Variants in RNF213 observed in about 807,000 individuals in gnomAD.
The protein encoded by RNF213 is ring finger protein 213.
Under a neutral mutation model 514.4 loss-of-function variants are expected in RNF213, and 341 were observed. The observed-to-expected ratio is 0.66, with a 90% CI of 0.61 to 0.73. The LOEUF (loss-of-function observed/expected upper bound fraction) is 0.73, where lower values mean the gene tolerates loss of function less well. Ranked by LOEUF, RNF213 falls within the 30% of genes least tolerant of loss-of-function variation. The pLI, the probability that RNF213 is intolerant of heterozygous loss-of-function variation, is 0.00. For missense variants in RNF213, 5,767 were observed against 6,615.6 expected (o/e 0.87, Z 4.45); for synonymous variants, 2,655 against 2,658.2 (o/e 1.00, Z 0.04).
In RNF213 at chr17:80,337,595, G is replaced by T; in HGVS notation, c.4537G>T (p.Ala1513Ser). Residue 1513 changes from alanine (A) to serine (S), a missense_variant, in exon 24 of 68, where the codon GCC (alanine) becomes TCC (serine). Ala to Ser is a moderately conservative substitution (Grantham distance 99). Around this residue, in one of 13 missense-constraint regions of RNF213, gnomAD observed 1,377 missense variants for 1,635.2 expected, o/e 0.84. Coordinates refer to ENST00000582970, the MANE Select transcript of RNF213 (RefSeq NM_001256071.3). ...CCTTTTGTCCCCATAGTGTGACTCC[G>T]CCAGGAACTTGGAATGGCTGAAGAC... ...QYLPRKLCDSARNLEWLKTVN... is the reference protein window; with the variant it reads ...QYLPRKLCDSSRNLEWLKTVN... The T allele has an allele frequency of 6.5e-7, 1 of 1,537,274 alleles. No homozygotes were observed. Among genetic ancestry groups the T allele is most frequent in the Non-Finnish European group, 8.7e-7 (1 of 1,146,896 alleles).
Position 80,273,276 on chromosome 17 carries a change from T to A in RNF213, c.133T>A (p.Ser45Thr). 2.5e-6 allele frequency: 4 copies of A among 1,613,654 alleles called. No homozygotes were observed. The highest frequency in any genetic ancestry group is 2.5e-6 in the Non-Finnish European group (3 of 1,179,990). The change falls in exon 3 of 68, where the codon TCG becomes ACG. Residue 45 changes from serine to threonine, a missense_variant. This residue lies in a region of RNF213 where 509 missense variants were observed against 496.7 expected (regional missense o/e 1.02). Transcript: ENST00000582970. The part of the protein sequence containing the change: ...ENNNSTMASA[S>T]EGEMECGQEL... Reference sequence around the variant, plus strand: ...CAATAACTCCACAATGGCGTCGGCCTCGGAGGGTGAAATGGAGTGTGGGCA... The same window carrying A: ...CAATAACTCCACAATGGCGTCGGCCACGGAGGGTGAAATGGAGTGTGGGCA...
chr17:80,273,668 G>T (rs2043913555), intron 3 of RNF213, among the ~76,000 whole-genome samples: 2 of 147,440 alleles, frequency 1.4e-5, no homozygotes, highest in Non-Finnish European at 3.0e-5. Context: ...TGCCCAGGCT[G>T]GAGTGCAGTG....
At chr17:80,303,099 G>A (rs1413194702) in intron 11 of RNF213, among the ~76,000 whole-genome samples, 1 of 152,218 alleles carries the variant, frequency 6.6e-6, no homozygotes, top group African/African-American at 2.4e-5. Context: ...TCAAGGCACA[G>A]CGTGTACAGC....
At chr17:80,338,563 C>T (rs1047672163) in intron 25 of RNF213, among the ~76,000 whole-genome samples, 1 of 151,622 alleles carries the variant, frequency 6.6e-6, no homozygotes, top group East Asian at 1.9e-4. Context: ...GTGGAAGGCT[C>T]ATTTTAGCCC....
chr17:80,284,380 AAAAAC>A (rs61511127), intron 3 of RNF213, among the ~76,000 whole-genome samples: 1 of 151,584 alleles, frequency 6.6e-6, no homozygotes, highest in Non-Finnish European at 1.5e-5. Context: ...AAACAAAAAC[AAAAAC>A]AAAACAAAAA....
In RNF213 at chr17:80,288,825, A is replaced by G. The variant is rs931888442; in HGVS notation, c.933+70A>G. 37 of 1,610,748 alleles carry G rather than the reference A, an allele frequency of 2.3e-5. No homozygotes were observed. The highest frequency in any genetic ancestry group is 2.0e-4 in the Middle Eastern group (1 of 5,020). On this transcript the variant is annotated intron_variant, in intron 5 of 67. Coordinates refer to ENST00000582970, the MANE Select transcript of RNF213 (RefSeq NM_001256071.3). The surrounding 1 kb of genome is among the most constrained non-coding windows in gnomAD (Gnocchi z 4.9). Reference sequence around the variant, plus strand: ...CCCACGGCTGCGCCTCTTTCATTTAATTATTCAGCAAATATTTAAGTGCTG... The same window carrying G: ...CCCACGGCTGCGCCTCTTTCATTTAGTTATTCAGCAAATATTTAAGTGCTG...
At position 80,328,429 on chromosome 17, in the gene RNF213, G is replaced by A. The variant is rs2046333861; in HGVS notation, c.3469G>A (p.Val1157Ile). ...LLLLKKEKRCVDSLLKMCGNV... is the reference protein window; with the variant it reads ...LLLLKKEKRCIDSLLKMCGNV... Reference sequence around the variant, plus strand: ...ACTTCTAAAGAAAGAGAAAAGATGTGTTGATAGTCTCCTGAAGATGTGTGG... The same window carrying A: ...ACTTCTAAAGAAAGAGAAAAGATGTATTGATAGTCTCCTGAAGATGTGTGG... Residue 1157 changes from valine to isoleucine, a missense_variant, in exon 20 of 68, where the codon GTT becomes ATT. This residue lies in a region of RNF213 where 516 missense variants were observed against 566.5 expected (regional missense o/e 0.91). Coordinates refer to ENST00000582970, the MANE Select transcript of RNF213 (RefSeq NM_001256071.3). 2.0e-6 allele frequency: 3 copies of A among 1,537,228 alleles called. No homozygotes were observed. Among genetic ancestry groups the A allele is most frequent in the Non-Finnish European group, 1.7e-6 (2 of 1,146,900 alleles).
chr17:80,306,190 C>A (rs1253720835), intron 11 of RNF213, 62 bp from the exon 12 acceptor site: 1 of 1,501,814 alleles, frequency 6.7e-7, no homozygotes, highest in East Asian at 2.3e-5. Context: ...CATTGGTTTC[C>A]TCCATTTTCC....
At chr17:80,372,339 C>T (rs1313712098) in intron 47 of RNF213, among the ~76,000 whole-genome samples, 182 bp from the exon 48 acceptor site, 1 of 152,072 alleles carries the variant, frequency 6.6e-6, no homozygotes, top group Non-Finnish European at 1.5e-5. Flanking sequence ...CTTTTCCCCT[C>T]CTTCTTGTCC....
rs2046322284 is a variant in RNF213 at position 80,327,979 on chromosome 17, C to T, written c.3357C>T (p.Ile1119=). 1 of 1,537,152 alleles carries T rather than the reference C, an allele frequency of 6.5e-7. No individual in the cohort carries two copies. The highest frequency in any genetic ancestry group is 8.7e-7 in the Non-Finnish European group (1 of 1,146,916). ...IIKHKNQFLD[I]WQLREKSLSP... The stretch of plus-strand genomic sequence containing the variant: ...AGCACAAGAATCAGTTTCTTGACAT[C>T]TGGCAACTGAGTAAGCATCGAGTCG... The change falls in exon 19 of 68, where the codon ATC becomes ATT. Residue 1119 remains isoleucine (I), a synonymous_variant. Coordinates refer to ENST00000582970, the MANE Select transcript of RNF213 (RefSeq NM_001256071.3).
chr17:80,285,495 T>C (rs2143166836), intron 3 of RNF213, among the ~76,000 whole-genome samples: 1 of 152,324 alleles, frequency 6.6e-6, no homozygotes, highest in East Asian at 1.9e-4. Context: ...GATGGGTGCC[T>C]GCAGTGAAGG....
intron 54 of RNF213, chr17:80,379,371 T>C: frequency 1.9e-6 from 1 of 524,162 alleles, no homozygotes. Flanking sequence ...CTATAAAGTG[T>C]CACTCTGGGA....
chr17:80,351,901 C>A, intron 32 of RNF213, 98 bp downstream of exon 32: 1 of 721,356 alleles, frequency 1.4e-6, no homozygotes, highest in Non-Finnish European at 2.4e-6. Flanking sequence ...TGTCACCAGG[C>A]TGGAGTGCAG....
Position 80,288,070 on chromosome 17 carries a change from C to T in RNF213, c.517C>T (p.Pro173Ser). 1 of 1,608,482 alleles carries T rather than the reference C, an allele frequency of 6.2e-7. No homozygotes were observed. The highest frequency in any genetic ancestry group is 8.5e-7 in the Non-Finnish European group (1 of 1,176,774). The change falls in exon 4 of 68, where the codon CCC (proline) becomes TCC (serine). Residue 173 changes from proline (P) to serine (S), a missense_variant. Pro to Ser is a moderately conservative substitution (Grantham distance 74, BLOSUM62 -1). Around this residue, in one of 13 missense-constraint regions of RNF213, gnomAD observed 509 missense variants for 496.7 expected, o/e 1.02. Transcript: ENST00000582970. The surrounding 1 kb of genome is among the most constrained non-coding windows in gnomAD (Gnocchi z 4.9). ...CGCGCCCACCGAGGTTGGCGACAGC[C>T]CCCTGCAGGCCCAGGCTTTGGGAGA... ...LSAPTEVGDSPLQAQALGEAG... is the reference protein window; with the variant it reads ...LSAPTEVGDSSLQAQALGEAG...
In RNF213 at chr17:80,395,151, G is replaced by C. The variant is rs968748865; in HGVS notation, c.*1653G>C. The C allele has an allele frequency of 6.7e-6, 1 of 150,214 alleles. No homozygotes were observed. The highest frequency in any genetic ancestry group is 6.6e-5 in the Admixed American group (1 of 15,082). The allele number at this position is 150,214 out of a possible 1,614,324, so 9.3% of individuals were successfully genotyped here. A position where few individuals can be genotyped will look rare whatever the true frequency, so the allele number is the denominator to read the frequency against. On this transcript the variant is annotated 3_prime_UTR_variant, in exon 68 of 68. Transcript: ENST00000582970. The stretch of plus-strand genomic sequence containing the variant: ...CATTTTTATGAAGGGGTTTTAAATT[G>C]TTTCATTTTGTGTGCTGTGCTTCAA...
chr17:80,345,300 TGCAGCCCAACATCAACG>T lies in RNF213; in HGVS notation c.6970_6986del (p.Pro2324CysfsTer37). The T allele has an allele frequency of 6.2e-7, 1 of 1,614,144 alleles. No homozygotes were observed. Among genetic ancestry groups the T allele is most frequent in the Non-Finnish European group, 8.5e-7 (1 of 1,180,034 alleles). ...ACCATGACATTCATCGGCTTCCATCTGCAGCCCAACATCAACGGCAGTGTCGATGCCATCAGTCACTT... is the reference window on the plus strand; with the variant it reads ...ACCATGACATTCATCGGCTTCCATCTGCAGTGTCGATGCCATCAGTCACTT... On this transcript the variant is annotated frameshift_variant, in exon 29 of 68. Coordinates refer to ENST00000582970, the MANE Select transcript of RNF213 (RefSeq NM_001256071.3). LOFTEE classifies it high-confidence loss of function. This position sits in a 1 kb window ranked among gnomAD's most constrained non-coding sequence, Gnocchi z 6.0.
intron 3 of RNF213, chr17:80,278,626 C>G: frequency 9.5e-7 from 1 of 1,049,594 alleles, no homozygotes; most frequent in Non-Finnish European, 1.4e-6. Context: ...GGAAGCTGGT[C>G]AGTGCCCACA....
At chr17:80,306,521 T>A (rs1305723176) in intron 12 of RNF213, 53 bp downstream of exon 12, 1 of 1,519,430 alleles carries the variant, frequency 6.6e-7, no homozygotes, top group African/African-American at 1.4e-5. Context: ...GCAGACTAGA[T>A]AACTAAACAT....
intron 3 of RNF213, among the ~76,000 whole-genome samples, chr17:80,285,535 G>A (rs1345966907): frequency 6.6e-6 from 1 of 152,184 alleles, no homozygotes; most frequent in Admixed American, 6.5e-5. Context: ...TTTCTTGACG[G>A]CCTCTTGCTT....
Sources: allele counts gnomAD v4.1 joint callset (sites outside exome capture counted in the v4.1 genomes callset), GRCh38; gene constraint gnomAD v4.1.1; regional missense constraint gnomAD v4.1.1; non-coding constraint Gnocchi (gnomAD v3.1); transcripts MANE v1.5; gene names NCBI Gene and HGNC (gene_info 2026-07-23, HGNC 2026-07-21).